PLCB1: variants seen among roughly 807,000 people sequenced by gnomAD.
PLCB1 encodes the protein 1-phosphatidylinositol 4,5-bisphosphate phosphodiesterase beta-1.
Under a neutral mutation model 161.8 loss-of-function variants are expected in PLCB1, and 46 were observed. The ratio of observed to expected loss-of-function variants is 0.28; its 90% CI spans 0.22 to 0.36. PLCB1 has a LOEUF of 0.36. Ranked by LOEUF, PLCB1 falls within the 10% of genes least tolerant of loss-of-function variation. The pLI is 1.00. For synonymous variants in PLCB1, 517 were observed against 503.7 expected, an observed-to-expected ratio of 1.03 and a Z score of -0.35; for missense variants, 1,016 against 1,472.5, an observed-to-expected ratio of 0.69 and a Z score of 5.07.
intron 2 of PLCB1, among the ~76,000 whole-genome samples, chr20:8,191,421 A>T (rs2051969825): frequency 6.6e-6 from 1 of 151,332 alleles, no homozygotes; most frequent in Admixed American, 6.6e-5. Flanking sequence ...AATCCACTTA[A>T]TTTTTTTTTC....
chr20:8,276,983 CTTCTTATTATTATTA>C (rs1394743560), intron 2 of PLCB1, among the ~76,000 whole-genome samples: 10 of 99,214 alleles, frequency 1.0e-4, no homozygotes, highest in Non-Finnish European at 1.4e-4. Context: ...TCTTCTTCTT[CTTCTTATTATTATTA>C]TTATTATTAT....
intron 14 of PLCB1, among the ~76,000 whole-genome samples, chr20:8,718,465 T>C (rs1186697077): frequency 6.6e-6 from 1 of 152,158 alleles, no homozygotes; most frequent in Non-Finnish European, 1.5e-5. Flanking sequence ...TTTCCTTGCT[T>C]TTTCCAGCTT....
chr20:8,296,758 T>C (rs2123312132), intron 2 of PLCB1, among the ~76,000 whole-genome samples: 1 of 152,254 alleles, frequency 6.6e-6, no homozygotes, highest in African/African-American at 2.4e-5. Context: ...TGCAAATGTC[T>C]GGAGTCATCG....
chr20:8,293,531 G>A (rs1983481030), intron 2 of PLCB1, among the ~76,000 whole-genome samples: 1 of 152,086 alleles, frequency 6.6e-6, no homozygotes, highest in South Asian at 2.1e-4. Flanking sequence ...TTAACAGTGA[G>A]TGTGTAGAAT....
intron 3 of PLCB1, among the ~76,000 whole-genome samples, chr20:8,512,745 G>T (rs1324415244): frequency 1.3e-5 from 2 of 152,158 alleles, no homozygotes; most frequent in South Asian, 2.1e-4. Context: ...CATTGTGGAA[G>T]GAGTAAATCC....
At chr20:8,497,396 T>G (rs1983224594) in intron 3 of PLCB1, among the ~76,000 whole-genome samples, 1 of 152,174 alleles carries the variant, frequency 6.6e-6, no homozygotes, top group Non-Finnish European at 1.5e-5. Flanking sequence ...AAAATTAATT[T>G]TGGAAAGTAA....
chr20:8,163,784 G>T (rs1408919581), intron 2 of PLCB1, among the ~76,000 whole-genome samples: 1 of 152,126 alleles, frequency 6.6e-6, no homozygotes, highest in Non-Finnish European at 1.5e-5. Flanking sequence ...TTCCCACCAG[G>T]CTAGCCTACC....
intron 2 of PLCB1, among the ~76,000 whole-genome samples, chr20:8,346,869 G>T (rs1300300060): frequency 6.6e-6 from 1 of 152,146 alleles, no homozygotes; most frequent in Non-Finnish European, 1.5e-5. Context: ...GGAAATCAAA[G>T]AGGAAATAAA....
At chr20:8,727,276 TC>T in intron 16 of PLCB1, 32 bp from the exon 17 acceptor site, 5 of 1,024,892 alleles carry the variant, frequency 4.9e-6, no homozygotes, top group Admixed American at 3.8e-5. Flanking sequence ...TTTCTCACCT[TC>T]CCCTTTTTTG....
rs1042423839 is a variant in PLCB1, at chr20:8,440,973, A to G, written c.246+69523A>G. ...AGAAATTAAATTAAAAAGAGAAATT[A>G]ACCCAGCCTCACCATTTTACAGCAG... On this transcript the variant is annotated intron_variant, in intron 3 of 31. Coordinates refer to ENST00000338037, the MANE Select transcript of PLCB1 (RefSeq NM_015192.4). Among the ~76,000 whole-genome samples, 11 of 152,176 alleles carry G rather than the reference A, an allele frequency of 7.2e-5. No homozygotes were observed. In the South Asian group the frequency reaches 1.0e-3, roughly 14 times the overall value.
At chr20:8,704,423 AC>A (rs1246752723) in intron 11 of PLCB1, among the ~76,000 whole-genome samples, 1 of 152,204 alleles carries the variant, frequency 6.6e-6, no homozygotes, top group East Asian at 1.9e-4. Flanking sequence ...TATTTGCAGG[AC>A]TTTTGTAATG....
chr20:8,154,445 C>T (rs2051539782), intron 2 of PLCB1, among the ~76,000 whole-genome samples: 1 of 152,126 alleles, frequency 6.6e-6, no homozygotes, highest in Admixed American at 6.5e-5. Flanking sequence ...GTGTAGCCCT[C>T]TCTGGGAATA....
intron 3 of PLCB1, among the ~76,000 whole-genome samples, chr20:8,578,233 A>G (rs1986734735): frequency 6.6e-6 from 1 of 152,204 alleles, no homozygotes; most frequent in Non-Finnish European, 1.5e-5. Flanking sequence ...ATTTTTGCTG[A>G]GTGAGCCAAC....
At chr20:8,307,526 G>A (rs1984187409) in intron 2 of PLCB1, among the ~76,000 whole-genome samples, 2 of 152,036 alleles carry the variant, frequency 1.3e-5, no homozygotes, top group Admixed American at 6.5e-5. Flanking sequence ...TGGTTTGGTG[G>A]GGGTTTTTTT....
At chr20:8,822,913 A>G (rs527859712) in intron 31 of PLCB1, among the ~76,000 whole-genome samples, 1 of 152,298 alleles carries the variant, frequency 6.6e-6, no homozygotes, top group African/African-American at 2.4e-5. Flanking sequence ...GGACTCAACC[A>G]ACTGCAGATC....
chr20:8,484,219 T>G (rs899362643), intron 3 of PLCB1, among the ~76,000 whole-genome samples: 1 of 151,930 alleles, frequency 6.6e-6, no homozygotes, highest in African/African-American at 2.4e-5. Context: ...GAGACAGGGT[T>G]TCTCCATGTT....
intron 3 of PLCB1, among the ~76,000 whole-genome samples, chr20:8,566,841 G>A (rs1986352533): frequency 6.9e-6 from 1 of 144,182 alleles, no homozygotes; most frequent in Non-Finnish European, 1.5e-5. Flanking sequence ...ACACATTCAT[G>A]ACATACAGCA....
At chr20:8,493,126 T>G (rs28373375) in intron 3 of PLCB1, among the ~76,000 whole-genome samples, 5,662 of 152,266 alleles carry the variant, frequency 0.037, 346 homozygotes, top group African/African-American at 0.13. Context: ...TTTTGAGGTT[T>G]GAATACTCAT....
chr20:8,775,660 T>G (rs1982907287), intron 27 of PLCB1, among the ~76,000 whole-genome samples: 1 of 152,172 alleles, frequency 6.6e-6, no homozygotes, highest in Non-Finnish European at 1.5e-5. Flanking sequence ...TAGATCAAAA[T>G]CACATGAATT....
Sources: gnomAD v4.1 joint callset for allele counts (sites outside exome capture counted in the v4.1 genomes callset) on GRCh38, gnomAD v4.1.1 for gene constraint, MANE v1.5 for transcripts, NCBI Gene and HGNC (gene_info 2026-07-23, HGNC 2026-07-21) for gene names.